Variants in POLR2B observed in about 807,000 individuals in gnomAD.
The protein encoded by POLR2B is DNA-directed RNA polymerase II subunit RPB2.
A neutral mutation model predicts 144.6 loss-of-function variants in POLR2B; 57 were observed. The ratio of observed to expected loss-of-function variants is 0.39; its 90% CI spans 0.32 to 0.49. The LOEUF is 0.49. Among genes scored for constraint, POLR2B ranks in the 20% least tolerant of loss-of-function variants. The probability of loss-of-function intolerance (pLI) is 0.83; values close to 1 mark genes in which losing one functional copy is unlikely to be tolerated. For missense variants in POLR2B, 595 were observed against 1,467.4 expected (o/e 0.41, Z 9.71); for synonymous variants, 442 against 469.8 (o/e 0.94, Z 0.77).
At position 57,023,394 on chromosome 4, in the gene POLR2B, A is replaced by G. The variant is rs1723613913; in HGVS notation, c.2580A>G (p.Val860=). 1 of 1,613,784 alleles carries G rather than the reference A, an allele frequency of 6.2e-7. No individual in the cohort carries two copies. The highest frequency in any genetic ancestry group is 8.5e-7 in the Non-Finnish European group (1 of 1,179,796). ...GTTTGATAGCTCCAGGGGTTCGTGT[A>G]TCAGGAGATGATGTTATTATAGGCA... The part of the protein sequence containing the change: ...DDGLIAPGVR[V]SGDDVIIGKT... Residue 860 remains valine (V), a synonymous_variant, in exon 19 of 25, where the codon GTA becomes GTG. Transcript: ENST00000314595. The surrounding 1 kb of genome is among the most constrained non-coding windows in gnomAD (Gnocchi z 4.3).
intron 7 of POLR2B, among the ~76,000 whole-genome samples, chr4:57,004,833 T>C (rs1251722345): frequency 6.6e-6 from 1 of 152,148 alleles, no homozygotes; most frequent in Non-Finnish European, 1.5e-5. Flanking sequence ...TACAGGCATG[T>C]GCCACTGCGG....
intron 22 of POLR2B, 121 bp downstream of exon 22, chr4:57,025,120 C>T (rs1391176986): frequency 1.6e-6 from 1 of 630,366 alleles, no homozygotes; most frequent in Non-Finnish European, 2.8e-6. Flanking sequence ...AAATGTACAG[C>T]TTGATGAATT....
intron 1 of POLR2B, among the ~76,000 whole-genome samples, chr4:56,981,243 A>G (rs1174517792): frequency 6.6e-6 from 1 of 152,110 alleles, no homozygotes; most frequent in South Asian, 2.1e-4. Flanking sequence ...CACAGAAAGC[A>G]TCGCGCCCCC....
intron 6 of POLR2B, among the ~76,000 whole-genome samples, 162 bp downstream of exon 6, chr4:56,995,571 A>G (rs1250144785): frequency 6.6e-6 from 1 of 152,230 alleles, no homozygotes; most frequent in Non-Finnish European, 1.5e-5. Context: ...CTCTAGCAAC[A>G]TTTATCATCT....
Position 57,023,932 on chromosome 4 carries a change from T to C in POLR2B, c.2857-73T>C. 3 of 880,054 alleles carry C rather than the reference T, an allele frequency of 3.4e-6. No individual in the cohort carries two copies. The highest frequency in any genetic ancestry group is 3.6e-6 in the Non-Finnish European group (2 of 558,002). The allele number at this position is 880,054 out of a possible 1,614,324, so 54.5% of individuals were successfully genotyped here. A position where few individuals can be genotyped will look rare whatever the true frequency, so the allele number is the denominator to read the frequency against. On this transcript the variant is annotated intron_variant, in intron 20 of 24. Coordinates refer to ENST00000314595, the MANE Select transcript of POLR2B (RefSeq NM_000938.3). The surrounding 1 kb of genome is among the most constrained non-coding windows in gnomAD (Gnocchi z 4.3). ...GAATTTGGGACATACAGTAATTCAGTTGGGAGAACTGAAATGTCAGTTCTA... is the reference window on the plus strand; with the variant it reads ...GAATTTGGGACATACAGTAATTCAGCTGGGAGAACTGAAATGTCAGTTCTA...
At chr4:56,980,359 G>T (rs1325994509) in intron 1 of POLR2B, among the ~76,000 whole-genome samples, 4 of 152,076 alleles carry the variant, frequency 2.6e-5, no homozygotes, top group African/African-American at 9.7e-5. Flanking sequence ...CGAAAAAAAA[G>T]ATTTTTAAAG....
intron 21 of POLR2B, 88 bp from the exon 22 acceptor site, chr4:57,024,798 A>C: frequency 1.5e-6 from 1 of 677,892 alleles, no homozygotes; most frequent in Admixed American, 2.7e-5. Context: ...AAGTATTTAA[A>C]AATTTTTTGA....
At chr4:57,021,420 G>A (rs1718863) in intron 17 of POLR2B, among the ~76,000 whole-genome samples, 1 of 150,730 alleles carries the variant, frequency 6.6e-6, no homozygotes, top group African/African-American at 2.4e-5. Flanking sequence ...ATTTTCCTTT[G>A]TCTGTGTAGT....
chr4:56,983,441 C>T lies in POLR2B; in HGVS notation c.20-2913C>T, dbSNP rs192679278. On this transcript the variant is annotated intron_variant, in intron 1 of 24. Coordinates refer to ENST00000314595, the MANE Select transcript of POLR2B (RefSeq NM_000938.3). ...AGGCTGGAGTGCAGTGGTGTGATAT[C>T]GGCTCACTGCAACCTCTGCCTCCCA... is the stretch of plus-strand genomic sequence containing the variant. Among the ~76,000 whole-genome samples, 576 of 136,870 alleles carry T rather than the reference C, an allele frequency of 4.2e-3. 4 individuals are homozygous for T. The highest frequency in any genetic ancestry group is 4.2e-3 in the Non-Finnish European group (279 of 66,022). 89.8% of individuals were successfully genotyped at this position (136,870 alleles called of 152,430 possible). A position where few individuals can be genotyped will look rare whatever the true frequency, so the allele number is the denominator to read the frequency against.
intron 3 of POLR2B, among the ~76,000 whole-genome samples, chr4:56,994,164 T>C (rs1055128337): frequency 1.3e-5 from 2 of 152,272 alleles, no homozygotes; most frequent in Middle Eastern, 3.4e-3. Flanking sequence ...ACATTACCTG[T>C]CTAATGTGAA....
Position 57,003,767 on chromosome 4 carries a change from C to T in POLR2B, c.901-1479C>T, listed in dbSNP as rs577444791. ...CTGAGGCACGAGAATCACTGGAACCCAGGAGGCAGATGTTGTAGTAAGCCA... is the reference window on the plus strand; with the variant it reads ...CTGAGGCACGAGAATCACTGGAACCTAGGAGGCAGATGTTGTAGTAAGCCA... On this transcript the variant is annotated intron_variant, in intron 7 of 24. Coordinates refer to ENST00000314595, the MANE Select transcript of POLR2B (RefSeq NM_000938.3). Among the ~76,000 whole-genome samples, 4 of 151,910 alleles carry T rather than the reference C, an allele frequency of 2.6e-5. 1 individual carries two copies. The highest frequency in any genetic ancestry group is 7.2e-5 in the African/African-American group (3 of 41,440).
intron 2 of POLR2B, chr4:56,986,927 A>C (rs919184868): frequency 6.6e-6 from 1 of 152,208 alleles, no homozygotes; most frequent in African/African-American, 2.4e-5. Context: ...CAAAATACAA[A>C]TTTTTCTGAT....
intron 1 of POLR2B, among the ~76,000 whole-genome samples, chr4:56,980,929 C>T (rs541137374): frequency 7.2e-5 from 11 of 151,966 alleles, no homozygotes; most frequent in Admixed American, 2.6e-4. Flanking sequence ...CTCAGCCTCC[C>T]GAGTAGCTGA....
chr4:57,023,184 A>C lies in POLR2B; in HGVS notation c.2516-146A>C. On this transcript the variant is annotated intron_variant, in intron 18 of 24. Coordinates refer to ENST00000314595, the MANE Select transcript of POLR2B (RefSeq NM_000938.3). The surrounding 1 kb of genome is among the most constrained non-coding windows in gnomAD (Gnocchi z 4.3). ...TGTGTGGGCTGTAGTATTAGAGTTCAGAATAGTTTGTAATATTTGGAATAA... is the reference window on the plus strand; with the variant it reads ...TGTGTGGGCTGTAGTATTAGAGTTCCGAATAGTTTGTAATATTTGGAATAA... 1.4e-6 allele frequency: 1 copy of C among 712,184 alleles called. No individual in the cohort carries two copies. Among genetic ancestry groups the C allele is most frequent in the Non-Finnish European group, 2.3e-6 (1 of 433,196 alleles). 44.1% of individuals were successfully genotyped at this position (712,184 alleles called of 1,614,324 possible).
At position 57,023,982 on chromosome 4, in the gene POLR2B, C is replaced by A. The variant is rs756177005; in HGVS notation, c.2857-23C>A. The A allele has an allele frequency of 2.3e-6, 3 of 1,325,312 alleles. No homozygotes were observed. Among genetic ancestry groups the A allele is most frequent in the East Asian group, 2.3e-5 (1 of 42,594 alleles). 82.1% of individuals were successfully genotyped at this position (1,325,312 alleles called of 1,614,324 possible). A position where few individuals can be genotyped will look rare whatever the true frequency, so the allele number is the denominator to read the frequency against. On this transcript the variant is annotated intron_variant, in intron 20 of 24. Transcript: ENST00000314595. This position sits in a 1 kb window ranked among gnomAD's most constrained non-coding sequence, Gnocchi z 4.3. Reference sequence around the variant, plus strand: ...AGTTTAGTATATGTATCTTTGAGTCCCTTTTAAAATTTTTCTTTGTAGGAT... The same window carrying A: ...AGTTTAGTATATGTATCTTTGAGTCACTTTTAAAATTTTTCTTTGTAGGAT...
At chr4:56,992,199 A>G (rs1452772514) in intron 3 of POLR2B, among the ~76,000 whole-genome samples, 1 of 152,100 alleles carries the variant, frequency 6.6e-6, no homozygotes, top group East Asian at 1.9e-4. Flanking sequence ...GCGATGGCTC[A>G]TGCCTATAAT....
Position 57,030,375 on chromosome 4 carries a change from C to T in POLR2B, c.3411C>T (p.Cys1137=), listed in dbSNP as rs1056386198. 1 of 1,611,738 alleles carries T rather than the reference C, an allele frequency of 6.2e-7. No individual in the cohort carries two copies. Among genetic ancestry groups the T allele is most frequent in the African/African-American group, 1.3e-5 (1 of 74,928 alleles). Residue 1137 remains cysteine, a synonymous_variant, in exon 24 of 25, where the codon TGC becomes TGT. Transcript: ENST00000314595. ...ACACCAGGACCCATACATATGAATG[C>T]AGGGGCTGCCGCAATAAAACCCAGG... is the stretch of plus-strand genomic sequence containing the variant. ...IANTRTHTYE[C]RGCRNKTQIS... is the part of the protein sequence containing the mutation.
Position 57,023,738 on chromosome 4 carries a change from A to C in POLR2B, c.2843A>C (p.Gln948Pro), listed in dbSNP as rs1188347706. ...GGTCAAAAGGGTACTTGTGGTATTC[A>C]GTATAGACAAGAGGTAGGTATCTTT... ...RHGQKGTCGIQYRQEDMPFTC... is the reference protein window; with the variant it reads ...RHGQKGTCGIPYRQEDMPFTC... Residue 948 changes from glutamine to proline, a missense_variant, in exon 20 of 25, where the codon CAG (glutamine) becomes CCG (proline). Around this residue, in one of 9 missense-constraint regions of POLR2B, gnomAD observed 65 missense variants for 282.8 expected, o/e 0.23. Transcript: ENST00000314595. This position sits in a 1 kb window ranked among gnomAD's most constrained non-coding sequence, Gnocchi z 4.3. 1 of 1,597,396 alleles carries C rather than the reference A, an allele frequency of 6.3e-7. No individual in the cohort carries two copies. Among genetic ancestry groups the C allele is most frequent in the African/African-American group, 1.3e-5 (1 of 74,466 alleles).
chr4:57,002,927 C>G (rs1465779206), intron 7 of POLR2B: 2 of 152,116 alleles, frequency 1.3e-5, no homozygotes, highest in Non-Finnish European at 2.9e-5. Context: ...TCAGAGGGCA[C>G]TTACAGAGGC....
Sources: gnomAD v4.1 joint callset for allele counts (sites outside exome capture counted in the v4.1 genomes callset) on GRCh38, gnomAD v4.1.1 for gene constraint, gnomAD v4.1.1 regional missense constraint, Gnocchi (gnomAD v3.1) non-coding constraint, MANE v1.5 for transcripts, NCBI Gene and HGNC (gene_info 2026-07-23, HGNC 2026-07-21) for gene names.